The following NPHP1 variants were observed in gnomAD, a reference collection of about 807,000 sequenced individuals.
The protein encoded by NPHP1 is nephrocystin-1.
In NPHP1, 70 loss-of-function variants were observed where a neutral mutation model predicts 90.4. That is an observed-to-expected ratio of 0.77 (90% confidence interval 0.64 to 0.95). The LOEUF is 0.95. NPHP1 is among the 40% of genes least tolerant of loss of function. NPHP1 has a pLI of 0.00. For synonymous variants in NPHP1, 256 were observed against 271.7 expected (o/e 0.94, Z 0.57); for missense variants, 764 against 795.9 (o/e 0.96, Z 0.48).
At chr2:110,133,579 C>T (rs893608601) in intron 16 of NPHP1, among the ~76,000 whole-genome samples, 3 of 152,100 alleles carry the variant, frequency 2.0e-5, no homozygotes, top group Admixed American at 6.6e-5. Context: ...GCAGAATACA[C>T]ATTTTTCTCA....
At chr2:110,166,638 T>C (rs182217614) in intron 6 of NPHP1, among the ~76,000 whole-genome samples, 2 of 152,200 alleles carry the variant, frequency 1.3e-5, no homozygotes, top group East Asian at 1.9e-4. Context: ...AAATACTGGA[T>C]AGGATCTTAA....
intron 2 of NPHP1, among the ~76,000 whole-genome samples, chr2:110,192,355 C>T (rs1481799470): frequency 5.3e-5 from 8 of 152,108 alleles, no homozygotes; most frequent in Admixed American, 2.6e-4. Flanking sequence ...AACTACGTGA[C>T]GAATGCACAA....
In NPHP1 at chr2:110,160,224, A is replaced by G. The variant is rs794727018; in HGVS notation, c.986T>C (p.Ile329Thr). The G allele has an allele frequency of 5.0e-6, 8 of 1,611,890 alleles. No individual in the cohort carries two copies. The highest frequency in any genetic ancestry group is 6.8e-6 in the Non-Finnish European group (8 of 1,178,042). ...CATTTTACAGCTCCATAATGTCAGAATCAATGAAATACGACTTGGTCTCGA... is the reference window on the plus strand; with the variant it reads ...CATTTTACAGCTCCATAATGTCAGAGTCAATGAAATACGACTTGGTCTCGA... ...IRSRPSRISL[I>T]LTLWSCKMIP... Residue 329 changes from isoleucine (I) to threonine (T), a missense_variant, in exon 11 of 20, where the codon ATT becomes ACT. Transcript: ENST00000445609.
At chr2:110,134,881 A>C (rs962753271) in intron 16 of NPHP1, among the ~76,000 whole-genome samples, 1 of 152,164 alleles carries the variant, frequency 6.6e-6, no homozygotes, top group African/African-American at 2.4e-5. Context: ...CATCATACTC[A>C]GTGGTGAAAC....
At chr2:110,193,787 C>T (rs561206273) in intron 2 of NPHP1, among the ~76,000 whole-genome samples, 2 of 152,148 alleles carry the variant, frequency 1.3e-5, no homozygotes, top group African/African-American at 2.4e-5. Context: ...TGTAAAAGAA[C>T]AGAAATTATA....
At chr2:110,199,522 G>A (rs140593944) in intron 2 of NPHP1, among the ~76,000 whole-genome samples, 2,488 of 152,048 alleles carry the variant, frequency 0.016, 41 homozygotes, top group South Asian at 0.056. Context: ...AGCTCGTGGC[G>A]GGGGAGGGGG....
At position 110,164,753 on chromosome 2, in the gene NPHP1, T is replaced by A. The variant is rs544696143; in HGVS notation, c.729-23A>T. On this transcript the variant is annotated intron_variant, in intron 7 of 19. Transcript: ENST00000445609. Reference sequence around the variant, plus strand: ...GTTCTGGGGAGACAAAATAGCAAAGTGAGTCAGGTCAGGTTATGCCTATTC... The same window carrying A: ...GTTCTGGGGAGACAAAATAGCAAAGAGAGTCAGGTCAGGTTATGCCTATTC... 2.8e-5 allele frequency: 45 copies of A among 1,597,442 alleles called. No homozygotes were observed. In the African/African-American group the frequency reaches 4.8e-4, roughly 17 times the overall value.
intron 4 of NPHP1, among the ~76,000 whole-genome samples, chr2:110,172,245 T>C (rs190421483): frequency 3.3e-4 from 50 of 152,224 alleles, no homozygotes; most frequent in South Asian, 2.3e-3. Flanking sequence ...TTGATTTTTT[T>C]TCTCTCTCTC....
intron 4 of NPHP1, among the ~76,000 whole-genome samples, chr2:110,171,914 G>T (rs1398418742): frequency 6.6e-6 from 1 of 152,100 alleles, no homozygotes; most frequent in Non-Finnish European, 1.5e-5. Flanking sequence ...GTTATTGAAA[G>T]CTTATAAAAT....
At chr2:110,193,008 A>G (rs369098778) in intron 2 of NPHP1, among the ~76,000 whole-genome samples, 2 of 152,266 alleles carry the variant, frequency 1.3e-5, no homozygotes, top group African/African-American at 4.8e-5. Context: ...TGAAGGAAGC[A>G]CTAAACATGG....
At chr2:110,179,722 T>C in intron 2 of NPHP1, 38 bp from the exon 3 acceptor site, 2 of 937,540 alleles carry the variant, frequency 2.1e-6, no homozygotes, top group Non-Finnish European at 3.3e-6. Context: ...TTGATTTTTC[T>C]ATTATCAGAA....
In NPHP1 at chr2:110,190,566, G is replaced by A. The variant is rs546415057; in HGVS notation, c.143+10855C>T. 2.4e-4 allele frequency among the ~76,000 whole-genome samples: 36 copies of A among 152,276 alleles called. No homozygotes were observed. The East Asian group carries it at 5.4e-3, about 23-fold the overall frequency. ...CCGTGTGCAGGCCCGGTTCCCACCC[G>A]CGCCTCTCCCTCCACACCTCCTCGC... On this transcript the variant is annotated intron_variant, in intron 2 of 19. Transcript: ENST00000445609.
chr2:110,143,425 G>T, intron 16 of NPHP1, 117 bp downstream of exon 16: 1 of 760,654 alleles, frequency 1.3e-6, no homozygotes. Flanking sequence ...AAGAATTAAA[G>T]AGGACAAAAA....
At position 110,161,643 on chromosome 2, in the gene NPHP1, A is replaced by G; in HGVS notation, c.914T>C (p.Leu305Pro). ...ATCCCACATCAGATCTCTGAAGGCC[A>G]GTTGTGAAGGCATGAGCTCTGGTTG... ...FLQPELMPSQ[L>P]AFRDLMWDAT... The change falls in exon 10 of 20, where the codon CTG becomes CCG. Residue 305 changes from leucine to proline, a missense_variant. Transcript: ENST00000445609. 6.2e-7 allele frequency: 1 copy of G among 1,613,240 alleles called. No homozygotes were observed. The highest frequency in any genetic ancestry group is 1.1e-5 in the South Asian group (1 of 91,040).
Position 110,131,716 on chromosome 2 carries a change from A to C in NPHP1, c.1605T>G (p.Asp535Glu). The change falls in exon 17 of 20, where the codon GAT (aspartate) becomes GAG (glutamate). Residue 535 changes from aspartate to glutamate, a missense_variant. Physicochemically the swap from Asp to Glu is conservative, Grantham distance 45. Coordinates refer to ENST00000445609, the MANE Select transcript of NPHP1 (RefSeq NM_001128178.3). ...AGCTCATCCTGTCTTTCAGGAGCACATCTCCAAGAATTTGTCGATAAAATA... is the reference window on the plus strand; with the variant it reads ...AGCTCATCCTGTCTTTCAGGAGCACCTCTCCAAGAATTTGTCGATAAAATA... ...LLIFYRQILG[D>E]VLLKDRMSLQ... The C allele has an allele frequency of 1.2e-6, 2 of 1,613,408 alleles. No individual in the cohort carries two copies. The highest frequency in any genetic ancestry group is 1.7e-6 in the Non-Finnish European group (2 of 1,179,374).
rs367914622 is a variant in NPHP1, at chr2:110,163,471, C to A, written c.772-336G>T. The A allele has an allele frequency of 1.3e-4, 42 of 323,426 alleles. No homozygotes were observed. In the East Asian group the frequency reaches 2.0e-3, roughly 16 times the overall value. The allele number at this position is 323,426 out of a possible 1,614,324, so 20.0% of individuals were successfully genotyped here. A position where few individuals can be genotyped will look rare whatever the true frequency, so the allele number is the denominator to read the frequency against. On this transcript the variant is annotated intron_variant, in intron 8 of 19. Transcript: ENST00000445609. ...GGTAAGTTAATGTCTATTGGCAAAT[C>A]ACATGCACTGAAGAATTAATGGATT...
chr2:110,151,138 C>G (rs1404336371), intron 11 of NPHP1, among the ~76,000 whole-genome samples: 1 of 144,432 alleles, frequency 6.9e-6, no homozygotes, highest in Non-Finnish European at 1.5e-5. Context: ...TGCACTCCAG[C>G]CTGAGCGATG....
chr2:110,140,041 CA>C (rs1198781794), intron 16 of NPHP1, among the ~76,000 whole-genome samples: 2 of 152,046 alleles, frequency 1.3e-5, no homozygotes. Context: ...CCCCTGACTA[CA>C]GCCCCCAGCC....
At chr2:110,150,842 A>G (rs994707422) in intron 11 of NPHP1, among the ~76,000 whole-genome samples, 1 of 150,692 alleles carries the variant, frequency 6.6e-6, no homozygotes, top group African/African-American at 2.4e-5. Context: ...GAGCCATTGC[A>G]CCCAGCAAAA....
Sources: allele counts gnomAD v4.1 joint callset (sites outside exome capture counted in the v4.1 genomes callset), GRCh38; gene constraint gnomAD v4.1.1; transcripts MANE v1.5; gene names NCBI Gene and HGNC (gene_info 2026-07-23, HGNC 2026-07-21).